Variants in CLTRN observed in about 807,000 individuals in gnomAD.
CLTRN encodes collectrin.
A neutral mutation model predicts 14.5 loss-of-function variants in CLTRN; 12 were observed. The ratio of observed to expected loss-of-function variants is 0.83; its 90% CI spans 0.53 to 1.34. CLTRN has a LOEUF of 1.34. Among genes scored for constraint, CLTRN ranks in the 40% most tolerant of loss-of-function variants. The pLI, the probability that CLTRN is intolerant of heterozygous loss-of-function variation, is 0.00. For synonymous variants in CLTRN, 58 were observed against 56.5 expected, an observed-to-expected ratio of 1.03 and a Z score of -0.12; for missense variants, 154 against 165.1, an observed-to-expected ratio of 0.93 and a Z score of 0.37.
intron 5 of CLTRN, among the ~76,000 whole-genome samples, chrX:15,637,318 G>T (rs755036568): frequency 9.0e-6 from 1 of 111,255 alleles, no homozygotes; most frequent in Non-Finnish European, 1.9e-5. Context: ...CAATTTTCAG[G>T]GCTCTCCCCA....
At chrX:15,662,022 A>G (rs1929519725) in intron 2 of CLTRN, among the ~76,000 whole-genome samples, 1 of 111,336 alleles carries the variant, frequency 9.0e-6, no homozygotes, top group Non-Finnish European at 1.9e-5. Context: ...ACTAGAGACA[A>G]TTACAGAACA....
intron 3 of CLTRN, chrX:15,646,332 C>A: frequency 3.8e-6 from 1 of 266,026 alleles, no homozygotes. Flanking sequence ...TATCTCTGGC[C>A]CTGACCGCAG....
intron 3 of CLTRN, among the ~76,000 whole-genome samples, chrX:15,653,827 A>C (rs948629258): frequency 8.9e-6 from 1 of 112,561 alleles, no homozygotes; most frequent in African/African-American, 3.2e-5. Context: ...AAAACAATGC[A>C]AATATGGCTT....
intron 3 of CLTRN, among the ~76,000 whole-genome samples, chrX:15,658,651 C>T (rs1243901172): frequency 9.1e-6 from 1 of 110,298 alleles, no homozygotes; most frequent in Non-Finnish European, 1.9e-5. Flanking sequence ...AGAACTTATA[C>T]ACACTTAGGT....
At position 15,662,044 on chromosome X, in the gene CLTRN, T is replaced by C. The variant is rs754905510; in HGVS notation, c.117+2293A>G. Among the ~76,000 whole-genome samples, 3 of 110,918 alleles carry C rather than the reference T, an allele frequency of 2.7e-5. No homozygotes were observed. In the East Asian group the frequency reaches 8.5e-4, roughly 31 times the overall value. ...ACAATTACAGAACAGGGTTAGTTGG[T>C]TTAACTCTAAATTCATGATGACCTA... is the stretch of plus-strand genomic sequence containing the variant. On this transcript the variant is annotated intron_variant, in intron 2 of 5. Transcript: ENST00000380342.
chrX:15,665,291 C>A (rs1481924574), upstream of CLTRN, among the ~76,000 whole-genome samples: 4 of 112,026 alleles, frequency 3.6e-5, no homozygotes, highest in Admixed American at 3.8e-4. Context: ...GGGTGAACAT[C>A]CCAGGAGAGC....
chrX:15,634,363 G>C (rs1476779678), intron 5 of CLTRN, among the ~76,000 whole-genome samples: 1 of 110,977 alleles, frequency 9.0e-6, no homozygotes, highest in Non-Finnish European at 1.9e-5. Context: ...ACAAATGCCA[G>C]AGCCTGAGAC....
Position 15,639,763 on chromosome X carries a change from T to C in CLTRN, c.318-7A>G. On this transcript the variant is annotated splice_region_variant and splice_polypyrimidine_tract_variant and intron_variant, in intron 4 of 5. Transcript: ENST00000380342. ...GATCCGGTTCTTGTTCATTCTAAAA[T>C]GCAATGATAATTAAAAATAAACAAA... is the stretch of plus-strand genomic sequence containing the variant. The C allele has an allele frequency of 8.5e-7, 1 of 1,179,021 alleles. No homozygotes were observed. Among genetic ancestry groups the C allele is most frequent in the Non-Finnish European group, 1.1e-6 (1 of 878,067 alleles).
At chrX:15,668,151 C>T (rs1332137499), upstream of CLTRN, among the ~76,000 whole-genome samples, 1 of 112,033 alleles carries the variant, frequency 8.9e-6, no homozygotes, top group Non-Finnish European at 1.9e-5. Flanking sequence ...ATGACCAATG[C>T]TAATATATTT....
At chrX:15,674,908 T>C (rs1027295225) in intron 1 of CLTRN, 2 of 113,113 alleles carry the variant, frequency 1.8e-5, no homozygotes, top group African/African-American at 3.2e-5. Context: ...GACCACAAGG[T>C]TGTAGCGTGT....
intron 3 of CLTRN, among the ~76,000 whole-genome samples, chrX:15,655,294 T>A (rs1929323963): frequency 8.9e-6 from 1 of 112,264 alleles, no homozygotes; most frequent in South Asian, 3.7e-4. Flanking sequence ...GTCCTTGTGG[T>A]TCCCCCGCTT....
chrX:15,656,243 T>C (rs1401971846), intron 3 of CLTRN, among the ~76,000 whole-genome samples: 3 of 112,010 alleles, frequency 2.7e-5, no homozygotes, highest in Non-Finnish European at 5.6e-5. Flanking sequence ...CAATTGTACG[T>C]TTCCAAATAG....
chrX:15,630,927 C>T (rs1928680206), intron 5 of CLTRN, among the ~76,000 whole-genome samples: 1 of 112,089 alleles, frequency 8.9e-6, no homozygotes, highest in Non-Finnish European at 1.9e-5. Flanking sequence ...CCACGTCCTC[C>T]AGAAAGCAAA....
Position 15,639,628 on chromosome X carries a change from A to G in CLTRN, c.446T>C (p.Val149Ala). 8.3e-7 allele frequency: 1 copy of G among 1,210,639 alleles called. No homozygotes were observed. The highest frequency in any genetic ancestry group is 1.8e-5 in the South Asian group (1 of 56,769). The change falls in exon 5 of 6, where the codon GTG becomes GCG. Residue 149 changes from valine to alanine, a missense_variant. Transcript: ENST00000380342. ...SVPIWIIIFG[V>A]IFCIIIVAIA... ...TGCAACTATGATGATGCAAAATATC[A>G]CACCAAATATAATAATCCAGATGGG...
intron 1 of CLTRN, among the ~76,000 whole-genome samples, chrX:15,672,649 T>C (rs1929740209): frequency 1.8e-5 from 2 of 111,809 alleles, no homozygotes; most frequent in African/African-American, 6.5e-5. Flanking sequence ...AACCCTCTAC[T>C]GTCTGAAATT....
chrX:15,656,241 C>T (rs1569253853), intron 3 of CLTRN, among the ~76,000 whole-genome samples: 2 of 111,948 alleles, frequency 1.8e-5, no homozygotes, highest in South Asian at 3.7e-4. Context: ...GCCAATTGTA[C>T]GTTTCCAAAT....
At chrX:15,665,095 C>A, upstream of CLTRN, 1 of 230,156 alleles carries the variant, frequency 4.3e-6, no homozygotes. Flanking sequence ...TCTCTGGTTA[C>A]GTGTATGATG....
intron 4 of CLTRN, among the ~76,000 whole-genome samples, chrX:15,640,981 G>A (rs778299386): frequency 1.8e-5 from 2 of 111,801 alleles, no homozygotes; most frequent in African/African-American, 3.2e-5. Flanking sequence ...TTGCTGTGGA[G>A]GCCATTTTTG....
At chrX:15,634,950 T>A (rs1026909775) in intron 5 of CLTRN, among the ~76,000 whole-genome samples, 13 of 108,859 alleles carry the variant, frequency 1.2e-4, no homozygotes, top group African/African-American at 4.3e-4. Flanking sequence ...AAAAAATAAA[T>A]AAATAAATAA....
Sources: allele counts gnomAD v4.1 joint callset (sites outside exome capture counted in the v4.1 genomes callset), GRCh38; gene constraint gnomAD v4.1.1; transcripts MANE v1.5; gene names NCBI Gene and HGNC (gene_info 2026-07-23, HGNC 2026-07-21).